Variants in OPCML observed in about 807,000 individuals in gnomAD.
OPCML encodes opioid binding protein/cell adhesion molecule like.
A neutral mutation model predicts 37.8 loss-of-function variants in OPCML; 13 were observed. The observed-to-expected ratio is 0.34, with a 90% CI of 0.22 to 0.55. OPCML has a LOEUF of 0.55. Ranked by LOEUF, OPCML falls within the 20% of genes least tolerant of loss-of-function variation. OPCML has a pLI of 0.91. For synonymous variants in OPCML, 176 were observed against 168.8 expected (o/e 1.04, Z -0.33); for missense variants, 341 against 435.6 (o/e 0.78, Z 1.93).
At chr11:132,572,243 A>G (rs772705153) in intron 3 of OPCML, among the ~76,000 whole-genome samples, 4 of 151,660 alleles carry the variant, frequency 2.6e-5, no homozygotes, top group Admixed American at 2.6e-4. Flanking sequence ...TGATTGATAG[A>G]TTCCTTTGCT....
chr11:132,475,409 T>C (rs1325991754), intron 4 of OPCML, among the ~76,000 whole-genome samples: 1 of 152,204 alleles, frequency 6.6e-6, no homozygotes, highest in Non-Finnish European at 1.5e-5. Context: ...CCCACCCCCA[T>C]TCTAACCTCC....
At chr11:132,742,782 A>G (rs1199507057) in intron 2 of OPCML, among the ~76,000 whole-genome samples, 1 of 149,084 alleles carries the variant, frequency 6.7e-6, no homozygotes, top group Non-Finnish European at 1.5e-5. Context: ...ATGTACAAGT[A>G]TTATATATAA....
At chr11:132,782,155 G>A (rs1038180379) in intron 2 of OPCML, among the ~76,000 whole-genome samples, 5 of 151,662 alleles carry the variant, frequency 3.3e-5, no homozygotes, top group African/African-American at 1.2e-4. Context: ...GAGAGTCAGT[G>A]GTGACAAATC....
At chr11:132,536,497 TA>T (rs2096341305) in intron 3 of OPCML, among the ~76,000 whole-genome samples, 1 of 152,220 alleles carries the variant, frequency 6.6e-6, no homozygotes, top group Admixed American at 6.5e-5. Context: ...CAAAATGGCT[TA>T]AAAATCTATT....
At chr11:133,213,147 C>A (rs1216948203) in intron 1 of OPCML, among the ~76,000 whole-genome samples, 1 of 151,790 alleles carries the variant, frequency 6.6e-6, no homozygotes, top group Non-Finnish European at 1.5e-5. Context: ...TATTTTTGAA[C>A]CCACACACCC....
chr11:133,142,813 G>T (rs138170509), intron 1 of OPCML, among the ~76,000 whole-genome samples: 4 of 151,990 alleles, frequency 2.6e-5, no homozygotes, highest in African/African-American at 9.7e-5. Context: ...AAGTCCAAAC[G>T]CTTTTTCCCC....
intron 2 of OPCML, among the ~76,000 whole-genome samples, chr11:132,892,191 G>A (rs1330176625): frequency 6.6e-6 from 1 of 152,242 alleles, no homozygotes; most frequent in African/African-American, 2.4e-5. Flanking sequence ...AGGCTGGAGA[G>A]CTGGAGAGGC....
chr11:133,034,676 T>G (rs1947743361), intron 1 of OPCML, among the ~76,000 whole-genome samples: 1 of 152,024 alleles, frequency 6.6e-6, no homozygotes, highest in African/African-American at 2.4e-5. Context: ...AGGAGATCTA[T>G]GATGCTTAGA....
intron 3 of OPCML, among the ~76,000 whole-genome samples, chr11:132,583,789 T>G (rs936110191): frequency 7.2e-5 from 11 of 151,980 alleles, no homozygotes; most frequent in Admixed American, 5.9e-4. Context: ...AATTTTTGTG[T>G]TTTTAGTAGA....
At chr11:132,895,178 T>C (rs1428861650) in intron 2 of OPCML, among the ~76,000 whole-genome samples, 2 of 152,190 alleles carry the variant, frequency 1.3e-5, no homozygotes, top group Admixed American at 1.3e-4. Context: ...AAACTGCTCA[T>C]AGAGATACAT....
rs116828121 is a variant in OPCML, at chr11:133,459,851, G to A, written c.61+72413C>T. On this transcript the variant is annotated intron_variant, in intron 1 of 7. Transcript: ENST00000524381. ...TCAAATACGAATACAGAGAAATTGAGCAACATTATAACCAACTGGACCTGA... is the reference window on the plus strand; with the variant it reads ...TCAAATACGAATACAGAGAAATTGAACAACATTATAACCAACTGGACCTGA... Among the ~76,000 whole-genome samples the A allele has an allele frequency of 2.3e-3, 352 of 152,056 alleles. 1 individual carries two copies. The highest frequency in any genetic ancestry group is 7.7e-3 in the African/African-American group (321 of 41,508).
At chr11:132,788,014 G>A (rs1377855237) in intron 2 of OPCML, among the ~76,000 whole-genome samples, 4 of 152,074 alleles carry the variant, frequency 2.6e-5, no homozygotes, top group African/African-American at 9.7e-5. Context: ...CCGAGTAGCT[G>A]GGACTACAGG....
At chr11:132,462,208 C>A (rs1310237122) in intron 4 of OPCML, among the ~76,000 whole-genome samples, 3 of 152,062 alleles carry the variant, frequency 2.0e-5, no homozygotes, top group Non-Finnish European at 4.4e-5. Flanking sequence ...AAGAATCCCC[C>A]CACCGCACCG....
chr11:133,516,441 G>A (rs917727974), intron 1 of OPCML, among the ~76,000 whole-genome samples: 7 of 152,038 alleles, frequency 4.6e-5, no homozygotes, highest in African/African-American at 9.7e-5. Flanking sequence ...CACCGCCGCC[G>A]GGGCTGGGGC....
intron 2 of OPCML, among the ~76,000 whole-genome samples, chr11:132,730,232 C>A (rs1344815844): frequency 6.6e-6 from 1 of 151,766 alleles, no homozygotes; most frequent in Non-Finnish European, 1.5e-5. Context: ...AAAGGTGTAA[C>A]AGGTACCAAA....
chr11:133,155,123 A>T (rs917996321), intron 1 of OPCML, among the ~76,000 whole-genome samples: 1 of 152,124 alleles, frequency 6.6e-6, no homozygotes, highest in Admixed American at 6.5e-5. Context: ...GAGGAGGAGG[A>T]GGAAATACTT....
chr11:132,483,740 C>A (rs1423962783), intron 4 of OPCML, among the ~76,000 whole-genome samples: 3 of 151,978 alleles, frequency 2.0e-5, no homozygotes, highest in Non-Finnish European at 2.9e-5. Flanking sequence ...TGGAACAGAA[C>A]AGAGCCCTCA....
chr11:133,455,215 A>G (rs961333924), intron 1 of OPCML, among the ~76,000 whole-genome samples: 3 of 152,204 alleles, frequency 2.0e-5, no homozygotes, highest in Admixed American at 6.5e-5. Flanking sequence ...TTAAAACACC[A>G]TGTCTCAAAT....
intron 2 of OPCML, among the ~76,000 whole-genome samples, chr11:132,705,363 G>A (rs1299301938): frequency 6.6e-6 from 1 of 152,068 alleles, no homozygotes; most frequent in Admixed American, 6.6e-5. Context: ...GGCTGAGGCA[G>A]GCAGATCACT....
Sources: gnomAD v4.1 joint callset for allele counts (sites outside exome capture counted in the v4.1 genomes callset) on GRCh38, gnomAD v4.1.1 for gene constraint, MANE v1.5 for transcripts, NCBI Gene and HGNC (gene_info 2026-07-23, HGNC 2026-07-21) for gene names.